Variants in LMNB1 observed in about 807,000 individuals in gnomAD.
LMNB1 encodes the protein lamin B1.
LMNB1 carries 23 observed loss-of-function variants against 67.1 expected under a neutral mutation model. That is an observed-to-expected ratio of 0.34 (90% CI 0.25 to 0.49). The LOEUF (loss-of-function observed/expected upper bound fraction) is 0.49, where lower values mean the gene tolerates loss of function less well. Among genes scored for constraint, LMNB1 ranks in the 20% least tolerant of loss-of-function variants. LMNB1 has a pLI of 0.99. For missense variants in LMNB1, 634 were observed against 746.5 expected (o/e 0.85, Z 1.76); for synonymous variants, 281 against 282.9 (o/e 0.99, Z 0.07).
At chr5:126,804,993 C>G (rs1230809190) in intron 2 of LMNB1, 61 bp downstream of exon 2, 7 of 1,346,614 alleles carry the variant, frequency 5.2e-6, no homozygotes, top group African/African-American at 1.5e-5. Flanking sequence ...CTGCCTTAAG[C>G]CATAGTTTGA....
In LMNB1 at chr5:126,836,362, C is replaced by A; in HGVS notation, c.*98C>A. On this transcript the variant is annotated 3_prime_UTR_variant, in exon 11 of 11. Transcript: ENST00000261366. ...GAAGCACAGAATATTTTTATATTTC[C>A]TTTATGTGAATTTTTAAGCTGCAAA... The A allele has an allele frequency of 1.2e-6, 1 of 856,068 alleles. No individual in the cohort carries two copies. The highest frequency in any genetic ancestry group is 1.9e-6 in the Non-Finnish European group (1 of 534,210). 53.0% of individuals were successfully genotyped at this position (856,068 alleles called of 1,614,324 possible). A position where few individuals can be genotyped will look rare whatever the true frequency, so the allele number is the denominator to read the frequency against.
In LMNB1 at chr5:126,777,514, G is replaced by T; in HGVS notation, c.6G>T (p.Ala2=). 1 of 1,349,326 alleles carries T rather than the reference G, an allele frequency of 7.4e-7. No homozygotes were observed. Among genetic ancestry groups the T allele is most frequent in the South Asian group, 2.0e-5 (1 of 48,904 alleles). The allele number at this position is 1,349,326 out of a possible 1,614,324, so 83.6% of individuals were successfully genotyped here. The change falls in exon 1 of 11, where the codon GCG becomes GCT. Residue 2 remains alanine, a synonymous_variant. Coordinates refer to ENST00000261366, the MANE Select transcript of LMNB1 (RefSeq NM_005573.4). The part of the protein sequence containing the change: M[A]TATPVPPRMG... Reference sequence around the variant, plus strand: ...CGCTGTCTCCGCCGCCCGCCATGGCGACTGCGACCCCCGTGCCGCCGCGGA... The same window carrying T: ...CGCTGTCTCCGCCGCCCGCCATGGCTACTGCGACCCCCGTGCCGCCGCGGA...
intron 6 of LMNB1, among the ~76,000 whole-genome samples, chr5:126,820,412 T>C (rs1751834687): frequency 6.6e-6 from 1 of 152,186 alleles, no homozygotes; most frequent in Non-Finnish European, 1.5e-5. Flanking sequence ...AAAAAGAAAA[T>C]TGACGATGGG....
chr5:126,805,016 T>A, intron 2 of LMNB1, 84 bp downstream of exon 2: 1 of 1,154,168 alleles, frequency 8.7e-7, no homozygotes, highest in Non-Finnish European at 1.2e-6. Flanking sequence ...GATTGATTGA[T>A]TTTCAAATGT....
chr5:126,808,256 T>G (rs925903704), intron 3 of LMNB1, among the ~76,000 whole-genome samples: 2 of 152,202 alleles, frequency 1.3e-5, no homozygotes, highest in Non-Finnish European at 2.9e-5. Context: ...CGGTCTTGGC[T>G]CACTGCAACC....
chr5:126,836,139 C>T (rs1752242709), intron 10 of LMNB1, 84 bp from the exon 11 acceptor site: 2 of 957,766 alleles, frequency 2.1e-6, no homozygotes, highest in Non-Finnish European at 3.4e-6. Flanking sequence ...TTTGGTATCC[C>T]TGTAGTTAAA....
At chr5:126,806,251 C>G (rs1751424756) in intron 3 of LMNB1, among the ~76,000 whole-genome samples, 1 of 152,342 alleles carries the variant, frequency 6.6e-6, no homozygotes, top group South Asian at 2.1e-4. Context: ...CCACATCCGG[C>G]CTCACTTCAT....
At chr5:126,777,962 G>A in intron 1 of LMNB1, 95 bp downstream of exon 1, 1 of 1,206,564 alleles carries the variant, frequency 8.3e-7, no homozygotes, top group Non-Finnish European at 1.1e-6. Flanking sequence ...GGAGGGAGCA[G>A]AGGCCAGGAT....
chr5:126,777,567 C>A lies in LMNB1; in HGVS notation c.59C>A (p.Thr20Lys). 6.8e-7 allele frequency: 1 copy of A among 1,475,430 alleles called. No homozygotes were observed. Among genetic ancestry groups the A allele is most frequent in the Non-Finnish European group, 9.0e-7 (1 of 1,109,928 alleles). The allele number at this position is 1,475,430 out of a possible 1,614,324, so 91.4% of individuals were successfully genotyped here. ...GGCAGCCGCGCTGGCGGCCCCACCA[C>A]GCCGCTGAGCCCCACGCGCCTGTCG... ...RMGSRAGGPT[T>K]PLSPTRLSRL... Residue 20 changes from threonine to lysine, a missense_variant, in exon 1 of 11, where the codon ACG becomes AAG. Thr to Lys is a moderately conservative substitution (Grantham distance 78). Transcript: ENST00000261366.
intron 4 of LMNB1, among the ~76,000 whole-genome samples, chr5:126,810,848 T>C (rs1353592002): frequency 2.0e-5 from 3 of 152,226 alleles, no homozygotes; most frequent in Admixed American, 6.5e-5. Flanking sequence ...TATTATTCAC[T>C]TAAAAAAATA....
intron 1 of LMNB1, among the ~76,000 whole-genome samples, chr5:126,795,949 T>TTTTTTTTTTTTTTTTTA (rs1751079121): frequency 6.9e-6 from 1 of 145,304 alleles, no homozygotes; most frequent in African/African-American, 2.5e-5. Flanking sequence ...TTTTTTTTTT[T>TTTTTTTTTTTTTTTTTA]GAGACGGAGT....
intron 9 of LMNB1, 68 bp from the exon 10 acceptor site, chr5:126,832,626 A>T: frequency 8.9e-7 from 1 of 1,118,374 alleles, no homozygotes; most frequent in Non-Finnish European, 1.3e-6. Context: ...AAGCAAAGAA[A>T]AGGTCCCTCT....
At chr5:126,792,017 A>C (rs1218628012) in intron 1 of LMNB1, among the ~76,000 whole-genome samples, 3 of 152,048 alleles carry the variant, frequency 2.0e-5, no homozygotes, top group African/African-American at 7.2e-5. Flanking sequence ...TCCTGACCTC[A>C]AGTGATCCAC....
intron 1 of LMNB1, among the ~76,000 whole-genome samples, chr5:126,804,238 C>CTTTTTTTT (rs61232506): frequency 4.0e-5 from 4 of 101,164 alleles, no homozygotes; most frequent in African/African-American, 7.5e-5. Flanking sequence ...GTGCCAGGCT[C>CTTTTTTTT]TTTTTTTTTT....
chr5:126,784,479 C>T (rs1417140346), intron 1 of LMNB1, among the ~76,000 whole-genome samples: 5 of 151,416 alleles, frequency 3.3e-5, no homozygotes, highest in African/African-American at 7.3e-5. Flanking sequence ...CCTCAGCCTC[C>T]GGAGTAGCTG....
intron 5 of LMNB1, among the ~76,000 whole-genome samples, chr5:126,815,428 A>T (rs1751683625): frequency 6.6e-6 from 1 of 152,170 alleles, no homozygotes; most frequent in African/African-American, 2.4e-5. Context: ...GGTTGGTTAG[A>T]GTCTGCTTGC....
chr5:126,790,015 G>A (rs749586984), intron 1 of LMNB1, among the ~76,000 whole-genome samples: 1 of 151,900 alleles, frequency 6.6e-6, no homozygotes, highest in Non-Finnish European at 1.5e-5. Context: ...TTCATGTTAG[G>A]CTGGTCTTGA....
chr5:126,782,527 A>G (rs911053959), intron 1 of LMNB1, among the ~76,000 whole-genome samples: 4 of 152,112 alleles, frequency 2.6e-5, no homozygotes, highest in Non-Finnish European at 5.9e-5. Context: ...GGAAGTATAG[A>G]TAAAAGATGG....
intron 5 of LMNB1, among the ~76,000 whole-genome samples, chr5:126,817,813 C>T (rs999044523): frequency 6.6e-6 from 1 of 152,188 alleles, no homozygotes; most frequent in African/African-American, 2.4e-5. Context: ...TGCCCTTTCT[C>T]TCCTGCTCTG....
Sources: allele counts gnomAD v4.1 joint callset (sites outside exome capture counted in the v4.1 genomes callset), GRCh38; gene constraint gnomAD v4.1.1; transcripts MANE v1.5; gene names NCBI Gene and HGNC (gene_info 2026-07-23, HGNC 2026-07-21).